The following BBX variants were observed in gnomAD, a reference collection of about 807,000 sequenced individuals.
BBX encodes the protein HMG box transcription factor BBX.
A neutral mutation model predicts 100.2 loss-of-function variants in BBX; 30 were observed. The ratio of observed to expected loss-of-function variants is 0.30; its 90% CI spans 0.22 to 0.41. The LOEUF is 0.41. Ranked by LOEUF, BBX falls within the 10% of genes least tolerant of loss-of-function variation. BBX has a pLI of 1.00. For synonymous variants in BBX, 376 were observed against 388.1 expected (o/e 0.97, Z 0.37); for missense variants, 1,023 against 1,129.8 (o/e 0.91, Z 1.35).
intron 3 of BBX, chr3:107,662,532 TAA>T (rs2058506907): frequency 2.6e-5 from 4 of 151,836 alleles, no homozygotes; most frequent in Non-Finnish European, 5.9e-5. Context: ...TTATATGAAG[TAA>T]TAAAGAAGTA....
chr3:107,762,425 T>C (rs1240701596), intron 10 of BBX, among the ~76,000 whole-genome samples: 3 of 152,260 alleles, frequency 2.0e-5, no homozygotes, highest in South Asian at 2.1e-4. Flanking sequence ...TTATCTCTTA[T>C]GATAAATGGA....
At chr3:107,689,560 G>T (rs1314804944) in intron 3 of BBX, among the ~76,000 whole-genome samples, 1 of 152,178 alleles carries the variant, frequency 6.6e-6, no homozygotes, top group African/African-American at 2.4e-5. Context: ...AAGAGCTGCA[G>T]CATCAATATT....
chr3:107,585,242 G>A (rs2052744054), intron 2 of BBX, among the ~76,000 whole-genome samples: 1 of 152,124 alleles, frequency 6.6e-6, no homozygotes. Context: ...GAATGGAGAA[G>A]GGTCAGAGCC....
At chr3:107,757,056 C>A (rs1351496817) in intron 10 of BBX, among the ~76,000 whole-genome samples, 1 of 151,952 alleles carries the variant, frequency 6.6e-6, no homozygotes, top group African/African-American at 2.4e-5. Context: ...GGATGTATGA[C>A]CCTCTGCTTG....
chr3:107,633,216 A>G (rs193146704), intron 2 of BBX, among the ~76,000 whole-genome samples: 2 of 152,266 alleles, frequency 1.3e-5, no homozygotes, highest in African/African-American at 4.8e-5. Context: ...ATGAAAATAG[A>G]TAATAATGCT....
At chr3:107,705,654 G>A (rs1456579878) in intron 3 of BBX, among the ~76,000 whole-genome samples, 1 of 152,232 alleles carries the variant, frequency 6.6e-6, no homozygotes, top group East Asian at 1.9e-4. Context: ...GTTTAAGTGA[G>A]CAGATGCTGC....
intron 2 of BBX, among the ~76,000 whole-genome samples, chr3:107,614,918 T>G (rs1158012178): frequency 1.3e-5 from 2 of 152,104 alleles, no homozygotes; most frequent in Non-Finnish European, 2.9e-5. Context: ...AGTTTAGAAA[T>G]GAATGTGAAG....
chr3:107,602,124 C>T (rs1016660170), intron 2 of BBX, among the ~76,000 whole-genome samples: 23 of 152,098 alleles, frequency 1.5e-4, no homozygotes, highest in African/African-American at 5.3e-4. Flanking sequence ...ACCTGCTGCT[C>T]GGAAAAAATG....
chr3:107,599,653 G>A (rs1184396635), intron 2 of BBX: 2 of 152,198 alleles, frequency 1.3e-5, no homozygotes, highest in African/African-American at 2.4e-5. Context: ...CAGCTGCTTA[G>A]ATGGCTGTAA....
At chr3:107,719,975 T>A (rs2062409125) in intron 5 of BBX, among the ~76,000 whole-genome samples, 1 of 151,952 alleles carries the variant, frequency 6.6e-6, no homozygotes, top group African/African-American at 2.4e-5. Context: ...AGGGGAGGAT[T>A]TGGAAAGCTT....
intron 3 of BBX, among the ~76,000 whole-genome samples, chr3:107,669,942 A>G (rs1337111773): frequency 1.3e-5 from 2 of 152,208 alleles, no homozygotes; most frequent in Non-Finnish European, 2.9e-5. Context: ...GAAAACAGAT[A>G]AACTTTTTAG....
At chr3:107,536,743 T>G (rs1373566334) in intron 2 of BBX, among the ~76,000 whole-genome samples, 2 of 152,102 alleles carry the variant, frequency 1.3e-5, no homozygotes, top group African/African-American at 4.8e-5. Context: ...ATTGATTGAG[T>G]GCCTACAGAA....
At chr3:107,585,710 GA>G (rs1403031331) in intron 2 of BBX, among the ~76,000 whole-genome samples, 1 of 151,898 alleles carries the variant, frequency 6.6e-6, no homozygotes, top group Non-Finnish European at 1.5e-5. Flanking sequence ...ATAACCACTT[GA>G]AAAAATAAGA....
At chr3:107,764,951 C>T (rs1000494202) in intron 10 of BBX, among the ~76,000 whole-genome samples, 1 of 152,220 alleles carries the variant, frequency 6.6e-6, no homozygotes, top group African/African-American at 2.4e-5. Context: ...AGTGGATCTA[C>T]TTGTACCCCA....
At chr3:107,769,433 A>T (rs2066714310) in intron 10 of BBX, among the ~76,000 whole-genome samples, 2 of 152,082 alleles carry the variant, frequency 1.3e-5, no homozygotes, top group African/African-American at 4.8e-5. Flanking sequence ...TTCAAGTCTA[A>T]GTTACATAGC....
At chr3:107,623,893 ACT>A (rs746853758) in intron 2 of BBX, among the ~76,000 whole-genome samples, 14 of 152,250 alleles carry the variant, frequency 9.2e-5, no homozygotes, top group Admixed American at 5.2e-4. Flanking sequence ...TATTTTACAG[ACT>A]CTCGTCTGTA....
rs1427200249 is a variant in BBX, at chr3:107,773,635, A to G, written c.1914A>G (p.Arg638=). The G allele has an allele frequency of 6.2e-7, 1 of 1,601,686 alleles. No individual in the cohort carries two copies. The highest frequency in any genetic ancestry group is 2.2e-5 in the East Asian group (1 of 44,848). ...CCTCTCTGCGAGCTAATGTTGACAG[A>G]GGTAAGTAACTTCTACAAACCTGAA... ...MLTSLRANVD[R]GKRSSGKGNS... Residue 638 remains arginine, a splice_region_variant and synonymous_variant, in exon 11 of 18, where the codon AGA becomes AGG. Coordinates refer to ENST00000325805, the MANE Select transcript of BBX (RefSeq NM_001142568.3). This position sits in a 1 kb window ranked among gnomAD's most constrained non-coding sequence, Gnocchi z 4.1.
At chr3:107,800,957 C>A in intron 16 of BBX, 138 bp from the exon 17 acceptor site, 1 of 819,672 alleles carries the variant, frequency 1.2e-6, no homozygotes, top group Non-Finnish European at 1.9e-6. Context: ...CTGTAAAAGC[C>A]TTAATATTCG....
rs377129161 is a variant in BBX, at chr3:107,634,885, T to C, written c.-83-10951T>C. ...TACTTTTGTTGTTGCTTTTAAGTTA[T>C]AGCAAGTACTCTCTTTGTCTGGAAT... is the stretch of plus-strand genomic sequence containing the variant. On this transcript the variant is annotated intron_variant, in intron 2 of 17. Transcript: ENST00000325805. 1.7e-3 allele frequency among the ~76,000 whole-genome samples: 255 copies of C among 152,350 alleles called. 10 individuals carry two copies. In the South Asian group the frequency reaches 0.052, roughly 31 times the overall value.
Sources: gnomAD v4.1 joint callset for allele counts (sites outside exome capture counted in the v4.1 genomes callset) on GRCh38, gnomAD v4.1.1 for gene constraint, Gnocchi (gnomAD v3.1) non-coding constraint, MANE v1.5 for transcripts, NCBI Gene and HGNC (gene_info 2026-07-23, HGNC 2026-07-21) for gene names.